The following NFKB2 variants were observed in gnomAD, a reference collection of about 807,000 sequenced individuals.
NFKB2 encodes nuclear factor NF-kappa-B p100 subunit.
In NFKB2, 21 loss-of-function variants were observed where a neutral mutation model predicts 109.3. The ratio of observed to expected loss-of-function variants is 0.19; its 90% CI spans 0.14 to 0.28. The LOEUF is 0.28. Among genes scored for constraint, NFKB2 ranks in the 10% least tolerant of loss-of-function variants. The pLI, the probability that NFKB2 is intolerant of heterozygous loss-of-function variation, is 1.00. For synonymous variants in NFKB2, 478 were observed against 489.9 expected (o/e 0.98, Z 0.32); for missense variants, 806 against 1,185.3 (o/e 0.68, Z 4.70).
At position 102,395,997 on chromosome 10, in the gene NFKB2, GC is replaced by G; in HGVS notation, c.21+21del. ...TACAACCCAGTGAGTCATGCCGCCT[GC>G]CCCTGACCCGGCCGGCTGCCCCTCG... On this transcript the variant is annotated intron_variant, in intron 2 of 22. Transcript: ENST00000661543. The G allele has an allele frequency of 6.2e-7, 1 of 1,612,126 alleles. No homozygotes were observed. The highest frequency in any genetic ancestry group is 8.5e-7 in the Non-Finnish European group (1 of 1,179,948).
Position 102,397,852 on chromosome 10 carries a change from G to A in NFKB2, c.662-129G>A, listed in dbSNP as rs2061144778. Reference sequence around the variant, plus strand: ...TTCCCCCCCGAAGCTTCTGTCTTTAGTAAATGTGTATATTGGGTGTTTCCT... The same window carrying A: ...TTCCCCCCCGAAGCTTCTGTCTTTAATAAATGTGTATATTGGGTGTTTCCT... On this transcript the variant is annotated intron_variant, in intron 8 of 22. Transcript: ENST00000661543. This position sits in a 1 kb window ranked among gnomAD's most constrained non-coding sequence, Gnocchi z 4.7. 8.0e-7 allele frequency: 1 copy of A among 1,248,086 alleles called. No homozygotes were observed. The highest frequency in any genetic ancestry group is 1.1e-6 in the Non-Finnish European group (1 of 875,706). 77.3% of individuals were successfully genotyped at this position (1,248,086 alleles called of 1,614,324 possible).
At position 102,400,994 on chromosome 10, in the gene NFKB2, G is replaced by A. The variant is rs1477526947; in HGVS notation, c.2016G>A (p.Leu672=). The change falls in exon 18 of 23, where the codon CTG becomes CTA. Residue 672 remains leucine, a synonymous_variant. Coordinates refer to ENST00000661543, the MANE Select transcript of NFKB2 (RefSeq NM_001322934.2). This position sits in a 1 kb window ranked among gnomAD's most constrained non-coding sequence, Gnocchi z 6.3. ...GCACCTTTGCGGGAAACACACCCCT[G>A]CACCTGGCAGCTGGACTGGGGTACC... ...NARTFAGNTP[L]HLAAGLGYPT... 3 of 1,614,060 alleles carry A rather than the reference G, an allele frequency of 1.9e-6. No homozygotes were observed. The South Asian group carries it at 3.3e-5, about 18-fold the overall frequency.
chr10:102,397,178 G>C lies in NFKB2; in HGVS notation c.395+123G>C, dbSNP rs913674768. On this transcript the variant is annotated intron_variant, in intron 6 of 22. Coordinates refer to ENST00000661543, the MANE Select transcript of NFKB2 (RefSeq NM_001322934.2). This position sits in a 1 kb window ranked among gnomAD's most constrained non-coding sequence, Gnocchi z 4.7. Reference sequence around the variant, plus strand: ...GATGTAGGTTGGCCCCAAACCCAAGGGCCTAAGTAGAAACTCCAATGGCTT... The same window carrying C: ...GATGTAGGTTGGCCCCAAACCCAAGCGCCTAAGTAGAAACTCCAATGGCTT... 3 of 1,538,824 alleles carry C rather than the reference G, an allele frequency of 1.9e-6. No individual in the cohort carries two copies. Among genetic ancestry groups the C allele is most frequent in the Non-Finnish European group, 2.7e-6 (3 of 1,129,016 alleles).
rs375770491 is a variant in NFKB2, at chr10:102,396,681, T to G, written c.145-44T>G. ...GCACTGCGGTCACTGCTGGCCTGGG[T>G]GGTCTTCCCTGATCACAATGCTACT... On this transcript the variant is annotated intron_variant, in intron 4 of 22. Coordinates refer to ENST00000661543, the MANE Select transcript of NFKB2 (RefSeq NM_001322934.2). This position sits in a 1 kb window ranked among gnomAD's most constrained non-coding sequence, Gnocchi z 5.9. The G allele has an allele frequency of 7.6e-6, 12 of 1,587,812 alleles. No individual in the cohort carries two copies. In the African/African-American group the frequency reaches 1.6e-4, roughly 21 times the overall value.
chr10:102,398,026 C>T lies in NFKB2; in HGVS notation c.707C>T (p.Thr236Ile), dbSNP rs1249247840. 5 of 1,614,186 alleles carry T rather than the reference C, an allele frequency of 3.1e-6. No individual in the cohort carries two copies. Among genetic ancestry groups the T allele is most frequent in the Non-Finnish European group, 4.2e-6 (5 of 1,180,026 alleles). ...SNLKISRMDK[T>I]AGSVRGGDEV... ...CTGAAGATTTCTCGAATGGACAAGA[C>T]AGCAGGCTCTGTGCGGGGTGGAGAT... is the stretch of plus-strand genomic sequence containing the variant. Residue 236 changes from threonine to isoleucine, a missense_variant, in exon 9 of 23, where the codon ACA becomes ATA. By Grantham distance (89) the Thr-to-Ile change is moderately conservative. This residue lies in a region of NFKB2 where 64 missense variants were observed against 177.4 expected (regional missense o/e 0.36). Coordinates refer to ENST00000661543, the MANE Select transcript of NFKB2 (RefSeq NM_001322934.2). This position sits in a 1 kb window ranked among gnomAD's most constrained non-coding sequence, Gnocchi z 6.6.
In NFKB2 at chr10:102,401,481, C is replaced by T; in HGVS notation, c.2256C>T (p.Asn752=). The change falls in exon 20 of 23, where the codon AAC becomes AAT. Residue 752 remains asparagine, a synonymous_variant. Transcript: ENST00000661543. The surrounding 1 kb of genome is among the most constrained non-coding windows in gnomAD (Gnocchi z 4.2). ...VKTLLLNAAQ[N]TMEPPLTPPS... ...CCTTGCTGCTAAATGCTGCTCAGAA[C>T]ACCATGGAGCCACCCCTGACCCCGC... 1 of 1,613,822 alleles carries T rather than the reference C, an allele frequency of 6.2e-7. No individual in the cohort carries two copies. The highest frequency in any genetic ancestry group is 8.5e-7 in the Non-Finnish European group (1 of 1,179,980).
Position 102,396,614 on chromosome 10 carries a change from T to A in NFKB2, c.145-111T>A. ...CCACAGGGGATTGGATGGTCACTGC[T>A]GCTGATCAGAGTGCTGTAGTTTGGT... is the stretch of plus-strand genomic sequence containing the variant. On this transcript the variant is annotated intron_variant, in intron 4 of 22. Coordinates refer to ENST00000661543, the MANE Select transcript of NFKB2 (RefSeq NM_001322934.2). The surrounding 1 kb of genome is among the most constrained non-coding windows in gnomAD (Gnocchi z 5.9). 1 of 1,560,202 alleles carries A rather than the reference T, an allele frequency of 6.4e-7. No homozygotes were observed. Among genetic ancestry groups the A allele is most frequent in the Non-Finnish European group, 8.8e-7 (1 of 1,135,498 alleles).
Position 102,400,429 on chromosome 10 carries a change from G to A in NFKB2, c.1736G>A (p.Arg579His), listed in dbSNP as rs200227171. 1,111 of 1,612,766 alleles carry A rather than the reference G, an allele frequency of 6.9e-4. 5 individuals carry two copies. Among genetic ancestry groups the A allele is most frequent in the South Asian group, 1.2e-3 (108 of 91,086 alleles). Residue 579 changes from arginine (R) to histidine (H), a missense_variant, in exon 16 of 23, where the codon CGT becomes CAT. Transcript: ENST00000661543. This position sits in a 1 kb window ranked among gnomAD's most constrained non-coding sequence, Gnocchi z 6.3. ...GGCGCTGGTGCTCCTGAGCTGCTGCGTGCACTGCTTCAGAGTGGAGCTCCT... is the reference window on the plus strand; with the variant it reads ...GGCGCTGGTGCTCCTGAGCTGCTGCATGCACTGCTTCAGAGTGGAGCTCCT... Reference protein sequence around the residue: ...RAGAGAPELLRALLQSGAPAV... With the variant: ...RAGAGAPELLHALLQSGAPAV...
Position 102,402,362 on chromosome 10 carries a change from C to T in NFKB2, c.2689C>T (p.Pro897Ser), listed in dbSNP as rs770818840. Reference protein sequence around the residue: ...PGGLCHGHPQPQVH With the variant: ...PGGLCHGHPQSQVH ...AGGGCTCTGCCACGGGCACCCCCAG[C>T]CTCAGGTGCACTGACCTGCTGCCTG... Residue 897 changes from proline to serine, a missense_variant, in exon 23 of 23, where the codon CCT (proline) becomes TCT (serine). Physicochemically the swap from Pro to Ser is moderately conservative, Grantham distance 74. Around this residue, in one of 10 missense-constraint regions of NFKB2, gnomAD observed 211 missense variants for 268.7 expected, o/e 0.79. Coordinates refer to ENST00000661543, the MANE Select transcript of NFKB2 (RefSeq NM_001322934.2). 55 of 1,554,156 alleles carry T rather than the reference C, an allele frequency of 3.5e-5. No homozygotes were observed. The Middle Eastern group carries it at 5.2e-4, about 15-fold the overall frequency.
intron 12 of NFKB2, 121 bp from the exon 13 acceptor site, chr10:102,399,167 A>T: frequency 9.9e-7 from 1 of 1,014,878 alleles, no homozygotes; most frequent in Non-Finnish European, 1.4e-6. Context: ...GTAAGCTGAG[A>T]TCACACCACT....
chr10:102,397,247 G>A lies in NFKB2; in HGVS notation c.396-55G>A, dbSNP rs45555637. 16 of 1,578,494 alleles carry A rather than the reference G, an allele frequency of 1.0e-5. No homozygotes were observed. The Admixed American group carries it at 2.5e-4, about 25-fold the overall frequency. ...GAGCTGAGCCCTGGCAATGGGAAAG[G>A]TGCCTCAGGAAGAAAGAACTGCATG... On this transcript the variant is annotated intron_variant, in intron 6 of 22. Coordinates refer to ENST00000661543, the MANE Select transcript of NFKB2 (RefSeq NM_001322934.2). The surrounding 1 kb of genome is among the most constrained non-coding windows in gnomAD (Gnocchi z 4.7).
At position 102,399,279 on chromosome 10, in the gene NFKB2, T is replaced by A; in HGVS notation, c.1118-9T>A. The A allele has an allele frequency of 6.3e-7, 1 of 1,587,358 alleles. No homozygotes were observed. On this transcript the variant is annotated splice_polypyrimidine_tract_variant and intron_variant, in intron 12 of 22. Transcript: ENST00000661543. ...TGCCCGCTTCCCACAGCCCTGCCTGTATCCACAGGTGGCAGCCTCGGTTTC... is the reference window on the plus strand; with the variant it reads ...TGCCCGCTTCCCACAGCCCTGCCTGAATCCACAGGTGGCAGCCTCGGTTTC...
Position 102,397,782 on chromosome 10 carries a change from A to G in NFKB2, c.661+97A>G. On this transcript the variant is annotated intron_variant, in intron 8 of 22. Coordinates refer to ENST00000661543, the MANE Select transcript of NFKB2 (RefSeq NM_001322934.2). The surrounding 1 kb of genome is among the most constrained non-coding windows in gnomAD (Gnocchi z 4.7). ...CAGTCAAACAGACCCAGGTTTCAGAACCTGGCCCTGCCACATATGAGCTGA... is the reference window on the plus strand; with the variant it reads ...CAGTCAAACAGACCCAGGTTTCAGAGCCTGGCCCTGCCACATATGAGCTGA... The G allele has an allele frequency of 6.8e-7, 1 of 1,464,084 alleles. No homozygotes were observed. The highest frequency in any genetic ancestry group is 1.3e-5 in the South Asian group (1 of 79,470). 90.7% of individuals were successfully genotyped at this position (1,464,084 alleles called of 1,614,324 possible). A position where few individuals can be genotyped will look rare whatever the true frequency, so the allele number is the denominator to read the frequency against.
In NFKB2 at chr10:102,398,840, G is replaced by C; in HGVS notation, c.1093G>C (p.Gly365Arg). 2 of 1,601,340 alleles carry C rather than the reference G, an allele frequency of 1.2e-6. No individual in the cohort carries two copies. Among genetic ancestry groups the C allele is most frequent in the Non-Finnish European group, 1.7e-6 (2 of 1,174,068 alleles). Residue 365 changes from glycine to arginine, a missense_variant, in exon 12 of 23, where the codon GGG becomes CGG. Physicochemically the swap from Gly to Arg is moderately radical, Grantham distance 125. Around this residue, in one of 10 missense-constraint regions of NFKB2, gnomAD observed 209 missense variants for 211.9 expected, o/e 0.99. Coordinates refer to ENST00000661543, the MANE Select transcript of NFKB2 (RefSeq NM_001322934.2). This position sits in a 1 kb window ranked among gnomAD's most constrained non-coding sequence, Gnocchi z 6.6. ...HMGGGSGGAA[G>R]GYGGAGGGGS... ...GGGTGGAGGCTCTGGGGGTGCAGCC[G>C]GGGGCTACGGAGGAGCTGGAGGAGG...
rs757908861 is a variant in NFKB2 at position 102,398,556 on chromosome 10, CG to C, written c.991+39del. The C allele has an allele frequency of 2.5e-6, 4 of 1,609,748 alleles. No individual in the cohort carries two copies. Among genetic ancestry groups the C allele is most frequent in the Admixed American group, 1.7e-5 (1 of 59,792 alleles). On this transcript the variant is annotated intron_variant, in intron 11 of 22. Coordinates refer to ENST00000661543, the MANE Select transcript of NFKB2 (RefSeq NM_001322934.2). This position sits in a 1 kb window ranked among gnomAD's most constrained non-coding sequence, Gnocchi z 6.6. Reference sequence around the variant, plus strand: ...TGGGCTGAGGACCTCAGGGTGCTGGCGGGGGGCCAGGCTGGGCTAGAAGAAG... The same window carrying C: ...TGGGCTGAGGACCTCAGGGTGCTGGCGGGGGCCAGGCTGGGCTAGAAGAAG...
In NFKB2 at chr10:102,401,069, G is replaced by A. The variant is rs768947481; in HGVS notation, c.2071+20G>A. The stretch of plus-strand genomic sequence containing the variant: ...AGGCTGGTCAGTCTCACCCTCAGGG[G>A]CACTTGAACAGGGTGGGGGGAAGGG... On this transcript the variant is annotated intron_variant, in intron 18 of 22. Transcript: ENST00000661543. This position sits in a 1 kb window ranked among gnomAD's most constrained non-coding sequence, Gnocchi z 4.2. 3 of 1,613,908 alleles carry A rather than the reference G, an allele frequency of 1.9e-6. No individual in the cohort carries two copies. The highest frequency in any genetic ancestry group is 2.2e-5 in the South Asian group (2 of 91,080).
In NFKB2 at chr10:102,401,536, T is replaced by C; in HGVS notation, c.2293+18T>C. On this transcript the variant is annotated intron_variant, in intron 20 of 22. Coordinates refer to ENST00000661543, the MANE Select transcript of NFKB2 (RefSeq NM_001322934.2). The surrounding 1 kb of genome is among the most constrained non-coding windows in gnomAD (Gnocchi z 4.2). Reference sequence around the variant, plus strand: ...CCCAGCAGGTGAGAAGCATCAGGCATCCCCAGCCCGACTCCTCTGACTCCT... The same window carrying C: ...CCCAGCAGGTGAGAAGCATCAGGCACCCCCAGCCCGACTCCTCTGACTCCT... 5 of 1,611,132 alleles carry C rather than the reference T, an allele frequency of 3.1e-6. No individual in the cohort carries two copies. Among genetic ancestry groups the C allele is most frequent in the Non-Finnish European group, 4.2e-6 (5 of 1,179,630 alleles).
At position 102,400,497 on chromosome 10, in the gene NFKB2, C is replaced by A; in HGVS notation, c.1798+6C>A. On this transcript the variant is annotated splice_donor_region_variant and intron_variant, in intron 16 of 22. Coordinates refer to ENST00000661543, the MANE Select transcript of NFKB2 (RefSeq NM_001322934.2). The surrounding 1 kb of genome is among the most constrained non-coding windows in gnomAD (Gnocchi z 6.3). ...GCATATGCCTGACTTTGAGGGTGAG[C>A]TCCCCATCTCACCTGACTAAGGGGG... The A allele has an allele frequency of 6.3e-7, 1 of 1,597,326 alleles. No individual in the cohort carries two copies. Among genetic ancestry groups the A allele is most frequent in the Admixed American group, 1.8e-5 (1 of 56,860 alleles).
Position 102,398,072 on chromosome 10 carries a change from C to T in NFKB2, c.753C>T (p.Asp251=). The change falls in exon 9 of 23, where the codon GAC becomes GAT. Residue 251 remains aspartate, a synonymous_variant. Transcript: ENST00000661543. The surrounding 1 kb of genome is among the most constrained non-coding windows in gnomAD (Gnocchi z 6.6). ...GAGATGAAGTTTATCTGCTTTGTGACAAGGTGCAGAAAGGTGAGACTGGAG... is the reference window on the plus strand; with the variant it reads ...GAGATGAAGTTTATCTGCTTTGTGATAAGGTGCAGAAAGGTGAGACTGGAG... The part of the protein sequence containing the change: ...RGGDEVYLLC[D]KVQKDDIEVR... 1 of 1,614,110 alleles carries T rather than the reference C, an allele frequency of 6.2e-7. No homozygotes were observed. The highest frequency in any genetic ancestry group is 8.5e-7 in the Non-Finnish European group (1 of 1,180,000).
Sources: gnomAD v4.1 joint callset for allele counts on GRCh38, gnomAD v4.1.1 for gene constraint, gnomAD v4.1.1 regional missense constraint, Gnocchi (gnomAD v3.1) non-coding constraint, MANE v1.5 for transcripts, NCBI Gene and HGNC (gene_info 2026-07-23, HGNC 2026-07-21) for gene names.